The following ANKRD18A variants were observed in gnomAD, a reference collection of about 807,000 sequenced individuals.
The protein encoded by ANKRD18A is ankyrin repeat domain-containing protein 18A.
A neutral mutation model predicts 110.6 loss-of-function variants in ANKRD18A; 72 were observed. That is an observed-to-expected ratio of 0.65 (90% CI 0.54 to 0.79). The LOEUF (loss-of-function observed/expected upper bound fraction) is 0.79. Ranked by LOEUF, ANKRD18A falls within the 30% of genes least tolerant of loss-of-function variation. ANKRD18A has a pLI of 0.00. For missense variants in ANKRD18A, 934 were observed against 1,163.3 expected (o/e 0.80, Z 2.87); for synonymous variants, 305 against 410.3 (o/e 0.74, Z 3.10).
At chr9:38,583,416 T>C (rs978533813) in intron 12 of ANKRD18A, among the ~76,000 whole-genome samples, 32 of 152,242 alleles carry the variant, frequency 2.1e-4, no homozygotes, top group African/African-American at 7.7e-4. Context: ...CGGAGTCTTG[T>C]TCCGTAGCCC....
chr9:38,579,247 A>T (rs1217429327), intron 12 of ANKRD18A, among the ~76,000 whole-genome samples: 1 of 152,230 alleles, frequency 6.6e-6, no homozygotes, highest in Non-Finnish European at 1.5e-5. Flanking sequence ...TTATAAGTAA[A>T]CATAGGGAAA....
chr9:38,575,873 C>T (rs1823872440), intron 14 of ANKRD18A, among the ~76,000 whole-genome samples, 175 bp from the exon 15 acceptor site: 1 of 152,150 alleles, frequency 6.6e-6, no homozygotes, highest in African/African-American at 2.4e-5. Flanking sequence ...ATTTTAAAAT[C>T]ATCCTAAATA....
At chr9:38,570,982 G>A (rs969492938), downstream of ANKRD18A, 5 of 885,670 alleles carry the variant, frequency 5.6e-6, no homozygotes, top group African/African-American at 3.5e-5. Context: ...GTCTCCCAGG[G>A]CCCTTCCTGA....
At chr9:38,587,826 C>T (rs1465708271) in intron 11 of ANKRD18A, among the ~76,000 whole-genome samples, 2 of 152,148 alleles carry the variant, frequency 1.3e-5, no homozygotes, top group Admixed American at 6.5e-5. Flanking sequence ...CGTTGCTAAG[C>T]GCAGTGGCTC....
intron 4 of ANKRD18A, 78 bp from the exon 5 acceptor site, chr9:38,610,488 A>T: frequency 2.7e-6 from 4 of 1,478,308 alleles, no homozygotes; most frequent in Non-Finnish European, 9.0e-7. Flanking sequence ...CACTTTACCA[A>T]TTTCATATCT....
chr9:38,593,208 A>G (rs748526085), intron 10 of ANKRD18A, among the ~76,000 whole-genome samples: 2 of 152,230 alleles, frequency 1.3e-5, no homozygotes, highest in Non-Finnish European at 2.9e-5. Flanking sequence ...CTACGCCATT[A>G]CAGTATATTT....
intron 8 of ANKRD18A, among the ~76,000 whole-genome samples, chr9:38,600,665 A>C (rs925117891): frequency 1.3e-5 from 2 of 152,190 alleles, no homozygotes; most frequent in Non-Finnish European, 2.9e-5. Flanking sequence ...CACTGAAGGC[A>C]ACCAGAAACC....
chr9:38,584,645 G>A (rs1469355739), intron 12 of ANKRD18A, among the ~76,000 whole-genome samples: 2 of 152,034 alleles, frequency 1.3e-5, no homozygotes, highest in Non-Finnish European at 2.9e-5. Flanking sequence ...CACTGGCCAG[G>A]GTTCAAGACA....
intron 8 of ANKRD18A, among the ~76,000 whole-genome samples, chr9:38,599,527 TA>T (rs1206439243): frequency 6.6e-6 from 1 of 151,986 alleles, no homozygotes; most frequent in Non-Finnish European, 1.5e-5. Context: ...TGCAATGGCA[TA>T]ATCTTGGCTC....
intron 10 of ANKRD18A, among the ~76,000 whole-genome samples, chr9:38,589,565 T>C (rs1292618360): frequency 2.0e-5 from 3 of 152,244 alleles, no homozygotes; most frequent in Non-Finnish European, 4.4e-5. Context: ...TCAAGTGCTG[T>C]CTTTGTTCTG....
At chr9:38,580,400 C>G (rs2118676972) in intron 12 of ANKRD18A, among the ~76,000 whole-genome samples, 1 of 152,188 alleles carries the variant, frequency 6.6e-6, no homozygotes, top group East Asian at 1.9e-4. Flanking sequence ...GCCCAGAGCC[C>G]AGACTACACT....
intron 15 of ANKRD18A, among the ~76,000 whole-genome samples, chr9:38,573,908 T>C (rs1453368428): frequency 6.6e-6 from 1 of 152,176 alleles, no homozygotes; most frequent in African/African-American, 2.4e-5. Flanking sequence ...TCTTTTTTTT[T>C]TCTAGTTTGT....
intron 14 of ANKRD18A, 79 bp downstream of exon 14, chr9:38,576,974 G>C: frequency 8.0e-7 from 1 of 1,253,264 alleles, no homozygotes; most frequent in Non-Finnish European, 1.1e-6. Flanking sequence ...ATCTCCTGAA[G>C]CCATCTCACT....
chr9:38,592,404 G>T (rs1439330561), intron 10 of ANKRD18A, among the ~76,000 whole-genome samples: 3 of 152,186 alleles, frequency 2.0e-5, no homozygotes, highest in African/African-American at 7.2e-5. Flanking sequence ...TGAAGACTGG[G>T]CAACAAGTGC....
intron 15 of ANKRD18A, among the ~76,000 whole-genome samples, chr9:38,575,164 A>C (rs934821149): frequency 6.6e-6 from 1 of 152,158 alleles, no homozygotes; most frequent in Non-Finnish European, 1.5e-5. Context: ...AGCATTTCAA[A>C]GTATACCATC....
intron 6 of ANKRD18A, chr9:38,604,011 C>A (rs988668703): frequency 6.6e-6 from 1 of 152,218 alleles, no homozygotes; most frequent in Non-Finnish European, 1.5e-5. Context: ...TAAAATATTA[C>A]AGAAAGGGCT....
intron 3 of ANKRD18A, among the ~76,000 whole-genome samples, chr9:38,612,082 C>CCACTAAGG (rs1161631561): frequency 6.6e-6 from 1 of 152,048 alleles, no homozygotes; most frequent in Non-Finnish European, 1.5e-5. Flanking sequence ...TCCAAAGGGG[C>CCACTAAGG]CACTAAGGAA....
intron 12 of ANKRD18A, among the ~76,000 whole-genome samples, chr9:38,585,444 C>A (rs961210165): frequency 1.3e-5 from 2 of 152,034 alleles, no homozygotes; most frequent in Non-Finnish European, 2.9e-5. Context: ...ATGATTTTCC[C>A]TACAACTCTG....
At chr9:38,595,259 T>A (rs1281067441) in intron 9 of ANKRD18A, among the ~76,000 whole-genome samples, 1 of 152,166 alleles carries the variant, frequency 6.6e-6, no homozygotes, top group Non-Finnish European at 1.5e-5. Flanking sequence ...CAATCCCTAA[T>A]GCCCATTAGC....
Sources: allele counts gnomAD v4.1 joint callset (sites outside exome capture counted in the v4.1 genomes callset), GRCh38; gene constraint gnomAD v4.1.1; transcripts MANE v1.5; gene names NCBI Gene and HGNC (gene_info 2026-07-23, HGNC 2026-07-21).